The following ARHGAP24 variants were observed in gnomAD, a reference collection of about 807,000 sequenced individuals.
ARHGAP24 encodes the protein Rho GTPase activating protein 24, also known as rho GTPase-activating protein 24.
A neutral mutation model predicts 76.4 loss-of-function variants in ARHGAP24; 50 were observed. The ratio of observed to expected loss-of-function variants is 0.65; its 90% CI spans 0.52 to 0.83. The LOEUF (loss-of-function observed/expected upper bound fraction) is 0.83, where lower values mean the gene tolerates loss of function less well. ARHGAP24 is among the 40% of genes least tolerant of loss of function. ARHGAP24 has a pLI of 0.00. For missense variants in ARHGAP24, 930 were observed against 914.2 expected (o/e 1.02, Z -0.22); for synonymous variants, 345 against 323.3 (o/e 1.07, Z -0.72).
chr4:85,525,208 A>ATGTGTT (rs1724933145), intron 1 of ARHGAP24, among the ~76,000 whole-genome samples: 1 of 146,814 alleles, frequency 6.8e-6, no homozygotes, highest in Non-Finnish European at 1.5e-5. Flanking sequence ...TTCTGTTTAG[A>ATGTGTT]TGTGTTTTTG....
chr4:85,568,809 T>A (rs1172925624), intron 1 of ARHGAP24, among the ~76,000 whole-genome samples: 1 of 152,188 alleles, frequency 6.6e-6, no homozygotes, highest in Non-Finnish European at 1.5e-5. Context: ...CAGAAAATAG[T>A]CAAGTGACCT....
chr4:85,916,137 T>C (rs1265856628), intron 3 of ARHGAP24, among the ~76,000 whole-genome samples: 1 of 152,218 alleles, frequency 6.6e-6, no homozygotes, highest in African/African-American at 2.4e-5. Flanking sequence ...TGGTATCTAT[T>C]GTGGTTTTGA....
chr4:85,666,027 G>A (rs1370534863), intron 2 of ARHGAP24, among the ~76,000 whole-genome samples: 1 of 152,102 alleles, frequency 6.6e-6, no homozygotes, highest in African/African-American at 2.4e-5. Flanking sequence ...TATCTTTGTG[G>A]CCTTCTCTGT....
At chr4:85,696,829 G>T (rs905773690) in intron 2 of ARHGAP24, among the ~76,000 whole-genome samples, 2 of 152,168 alleles carry the variant, frequency 1.3e-5, no homozygotes, top group African/African-American at 4.8e-5. Context: ...TGACTTATAT[G>T]AAAGGACACC....
At chr4:85,666,335 C>T (rs191103393) in intron 2 of ARHGAP24, among the ~76,000 whole-genome samples, 4 of 151,814 alleles carry the variant, frequency 2.6e-5, no homozygotes, top group Admixed American at 2.0e-4. Flanking sequence ...GCATTCTTCA[C>T]GTAGTTCTCA....
chr4:85,515,766 T>C (rs1560516107), intron 1 of ARHGAP24, among the ~76,000 whole-genome samples: 1 of 152,172 alleles, frequency 6.6e-6, no homozygotes, highest in East Asian at 1.9e-4. Context: ...ACATATGTTG[T>C]TGGATAATTT....
At chr4:85,598,426 G>T (rs541799362) in intron 2 of ARHGAP24, among the ~76,000 whole-genome samples, 2 of 151,802 alleles carry the variant, frequency 1.3e-5, no homozygotes, top group Admixed American at 6.6e-5. Context: ...GAAAACAAAG[G>T]CTCAAATGGG....
At chr4:85,678,309 G>C (rs1208865275) in intron 2 of ARHGAP24, among the ~76,000 whole-genome samples, 1 of 152,112 alleles carries the variant, frequency 6.6e-6, no homozygotes. Flanking sequence ...GTTTGAGGCT[G>C]CACTGAGCTA....
intron 2 of ARHGAP24, among the ~76,000 whole-genome samples, chr4:85,587,882 A>C (rs1203850068): frequency 6.6e-6 from 1 of 152,218 alleles, no homozygotes; most frequent in Non-Finnish European, 1.5e-5. Flanking sequence ...GCCATTTAAC[A>C]AGTAAGGAAA....
chr4:85,517,471 A>T (rs1349119377), intron 1 of ARHGAP24, among the ~76,000 whole-genome samples: 1 of 152,168 alleles, frequency 6.6e-6, no homozygotes, highest in African/African-American at 2.4e-5. Context: ...AAATTTTTTT[A>T]ACATTTAAAT....
intron 3 of ARHGAP24, among the ~76,000 whole-genome samples, chr4:85,792,785 G>A (rs1298555144): frequency 2.0e-5 from 3 of 152,100 alleles, no homozygotes; most frequent in Non-Finnish European, 4.4e-5. Flanking sequence ...ATTTATTGTA[G>A]TACAGTTTGA....
chr4:85,812,959 G>A (rs1363650594), intron 3 of ARHGAP24, among the ~76,000 whole-genome samples: 3 of 152,148 alleles, frequency 2.0e-5, no homozygotes, highest in East Asian at 3.9e-4. Flanking sequence ...TTACCTAGGA[G>A]ACTCTTCTAA....
chr4:85,661,477 A>G (rs1233412126), intron 2 of ARHGAP24, among the ~76,000 whole-genome samples: 1 of 152,112 alleles, frequency 6.6e-6, no homozygotes, highest in Non-Finnish European at 1.5e-5. Flanking sequence ...AAGGTATGTG[A>G]AAGTTTTATT....
intron 3 of ARHGAP24, among the ~76,000 whole-genome samples, chr4:85,889,925 C>A (rs1420109091): frequency 6.6e-6 from 1 of 152,104 alleles, no homozygotes; most frequent in Non-Finnish European, 1.5e-5. Context: ...CCATCTCTTT[C>A]TTTTTTTAAT....
At chr4:85,799,166 G>A (rs1728481689) in intron 3 of ARHGAP24, among the ~76,000 whole-genome samples, 4 of 152,172 alleles carry the variant, frequency 2.6e-5, no homozygotes, top group Non-Finnish European at 5.9e-5. Context: ...CCCAGTAACA[G>A]TGAGCACACT....
chr4:85,983,310 C>T (rs1739790821), intron 8 of ARHGAP24, among the ~76,000 whole-genome samples: 1 of 152,188 alleles, frequency 6.6e-6, no homozygotes, highest in South Asian at 2.1e-4. Context: ...ATGGCTGGAT[C>T]AAATGTTGTT....
At chr4:85,994,379 C>G (rs1182851656) in intron 8 of ARHGAP24, among the ~76,000 whole-genome samples, 1 of 152,082 alleles carries the variant, frequency 6.6e-6, no homozygotes. Flanking sequence ...ATTACAAAAG[C>G]AAAGTGCTTG....
At chr4:85,560,887 C>T (rs569715326) in intron 1 of ARHGAP24, among the ~76,000 whole-genome samples, 6 of 152,242 alleles carry the variant, frequency 3.9e-5, no homozygotes, top group South Asian at 2.1e-4. Context: ...CTAGTAACAA[C>T]GGCAAATGTT....
At chr4:85,742,935 C>T (rs1250981146) in intron 3 of ARHGAP24, among the ~76,000 whole-genome samples, 1 of 152,100 alleles carries the variant, frequency 6.6e-6, no homozygotes, top group Non-Finnish European at 1.5e-5. Context: ...TCACACAGGA[C>T]ACCTAAATTA....
Sources: allele counts gnomAD v4.1 joint callset (sites outside exome capture counted in the v4.1 genomes callset), GRCh38; gene constraint gnomAD v4.1.1; transcripts MANE v1.5; gene names NCBI Gene and HGNC (gene_info 2026-07-23, HGNC 2026-07-21).